Variants in HSD17B2 observed in about 807,000 individuals in gnomAD.
HSD17B2 encodes hydroxysteroid 17-beta dehydrogenase 2.
HSD17B2 carries 32 observed loss-of-function variants against 26.9 expected under a neutral mutation model. That is an observed-to-expected ratio of 1.19 (90% CI 0.90 to 1.60). The LOEUF (loss-of-function observed/expected upper bound fraction) is 1.60. HSD17B2 is among the 40% of genes most tolerant of loss of function. The probability of loss-of-function intolerance (pLI) is 0.00; values close to 1 mark genes in which losing one functional copy is unlikely to be tolerated. For missense variants in HSD17B2, 613 were observed against 468.6 expected (o/e 1.31, Z -2.85); for synonymous variants, 246 against 186.7 (o/e 1.32, Z -2.59).
At chr16:82,090,822 G>A (rs1904670137) in intron 3 of HSD17B2, 80 bp from the exon 4 acceptor site, 1 of 1,356,856 alleles carries the variant, frequency 7.4e-7, no homozygotes, top group Non-Finnish European at 1.0e-6. Flanking sequence ...CCTACATACA[G>A]TAGACACTGA....
intron 1 of HSD17B2, among the ~76,000 whole-genome samples, chr16:82,037,175 G>T (rs912184476): frequency 3.3e-5 from 5 of 152,332 alleles, no homozygotes; most frequent in Admixed American, 6.5e-5. Flanking sequence ...ATCCCTGCAT[G>T]AAATGCTTAT....
intron 3 of HSD17B2, among the ~76,000 whole-genome samples, chr16:82,088,496 T>C (rs897745524): frequency 2.6e-5 from 4 of 152,206 alleles, no homozygotes; most frequent in African/African-American, 9.6e-5. Flanking sequence ...AGGATTTGAA[T>C]GCAGTCAGTG....
chr16:82,091,116 C>T (rs1257692833), intron 4 of HSD17B2, 77 bp downstream of exon 4: 2 of 1,332,552 alleles, frequency 1.5e-6, no homozygotes, highest in East Asian at 2.3e-5. Flanking sequence ...TGACAGAGCA[C>T]ACATTGAACC....
rs898505515 is a variant in HSD17B2, at chr16:82,035,807, C to T, written c.265+118C>T. On this transcript the variant is annotated intron_variant, in intron 1 of 4. Coordinates refer to ENST00000199936, the MANE Select transcript of HSD17B2 (RefSeq NM_002153.3). The stretch of plus-strand genomic sequence containing the variant: ...ATACTTGGCATGGAGTAAATGAAAG[C>T]CCTCACCCAAGTATTTTTCATGACA... 3.7e-6 allele frequency: 4 copies of T among 1,075,530 alleles called. No homozygotes were observed. In the African/African-American group the frequency reaches 4.7e-5, roughly 13 times the overall value. The allele number at this position is 1,075,530 out of a possible 1,614,324, so 66.6% of individuals were successfully genotyped here.
At chr16:82,082,507 G>C (rs769772902) in intron 3 of HSD17B2, among the ~76,000 whole-genome samples, 1 of 152,078 alleles carries the variant, frequency 6.6e-6, no homozygotes, top group East Asian at 1.9e-4. Flanking sequence ...ATGCTTCTCT[G>C]AATATTTTTT....
chr16:82,084,399 G>T (rs1904464273), intron 3 of HSD17B2, among the ~76,000 whole-genome samples: 1 of 152,012 alleles, frequency 6.6e-6, no homozygotes, highest in African/African-American at 2.4e-5. Context: ...ACCCCCAGTT[G>T]AAAACCTCTG....
intron 1 of HSD17B2, among the ~76,000 whole-genome samples, chr16:82,037,570 G>A (rs188920741): frequency 2.7e-4 from 41 of 152,096 alleles, no homozygotes; most frequent in Admixed American, 9.2e-4. Flanking sequence ...AATTTATTTT[G>A]AAGACATAAT....
intron 1 of HSD17B2, among the ~76,000 whole-genome samples, chr16:82,038,301 A>G (rs2143908530): frequency 6.6e-6 from 1 of 152,358 alleles, no homozygotes; most frequent in East Asian, 1.9e-4. Context: ...GAAACCACAG[A>G]GGCCATTCAA....
chr16:82,035,392 C>T lies in HSD17B2; in HGVS notation c.-33C>T. The T allele has an allele frequency of 6.3e-7, 1 of 1,593,842 alleles. No homozygotes were observed. On this transcript the variant is annotated 5_prime_UTR_variant, in exon 1 of 5. Coordinates refer to ENST00000199936, the MANE Select transcript of HSD17B2 (RefSeq NM_002153.3). Reference sequence around the variant, plus strand: ...CCTTTGCCCGCTAGACTCACTGGCCCTGAGCACTTGAAGGTGCAGCAAGTC... The same window carrying T: ...CCTTTGCCCGCTAGACTCACTGGCCTTGAGCACTTGAAGGTGCAGCAAGTC...
chr16:82,098,072 C>A lies in HSD17B2; in HGVS notation c.803-3C>A, dbSNP rs923139217. 1.7e-5 allele frequency: 27 copies of A among 1,606,126 alleles called. No individual in the cohort carries two copies. The highest frequency in any genetic ancestry group is 2.3e-5 in the Non-Finnish European group (27 of 1,175,440). On this transcript the variant is annotated splice_region_variant and splice_polypyrimidine_tract_variant and intron_variant, in intron 4 of 4. Coordinates refer to ENST00000199936, the MANE Select transcript of HSD17B2 (RefSeq NM_002153.3). ...CTGACTCTTCCCTTTCCTTTCACCCCAGATATCGCAGGCACCAGTGACAAG... is the reference window on the plus strand; with the variant it reads ...CTGACTCTTCCCTTTCCTTTCACCCAAGATATCGCAGGCACCAGTGACAAG...
intron 3 of HSD17B2, among the ~76,000 whole-genome samples, chr16:82,075,960 G>A (rs575305026): frequency 4.8e-5 from 7 of 147,014 alleles, no homozygotes; most frequent in Non-Finnish European, 9.0e-5. Context: ...CCTCATGAAC[G>A]TTGATGTAAA....
At chr16:82,071,305 C>A (rs571368802) in intron 3 of HSD17B2, 178 bp downstream of exon 3, 2 of 678,726 alleles carry the variant, frequency 2.9e-6, no homozygotes, top group Non-Finnish European at 5.3e-6. Flanking sequence ...CTTTCAAATT[C>A]TTTCATGTAG....
At chr16:82,071,445 G>C (rs1370151175) in intron 3 of HSD17B2, 3 of 414,690 alleles carry the variant, frequency 7.2e-6, no homozygotes, top group African/African-American at 2.0e-5. Context: ...TACAAATAAT[G>C]TCAGCATTTC....
intron 1 of HSD17B2, among the ~76,000 whole-genome samples, chr16:82,061,344 T>C (rs543846986): frequency 5.9e-5 from 9 of 152,268 alleles, no homozygotes; most frequent in Middle Eastern, 3.4e-3. Flanking sequence ...CTTTAATATA[T>C]CAAATTATTT....
chr16:82,079,599 G>T (rs998204998), intron 3 of HSD17B2, among the ~76,000 whole-genome samples: 1 of 152,176 alleles, frequency 6.6e-6, no homozygotes, highest in Non-Finnish European at 1.5e-5. Flanking sequence ...ACTTTTCTGG[G>T]TGGTGGGGGG....
chr16:82,039,506 G>C (rs1381284532), intron 1 of HSD17B2, among the ~76,000 whole-genome samples: 1 of 152,182 alleles, frequency 6.6e-6, no homozygotes, highest in Non-Finnish European at 1.5e-5. Context: ...TATTCATTGA[G>C]GGCCCAGTAT....
intron 3 of HSD17B2, among the ~76,000 whole-genome samples, chr16:82,072,681 G>C (rs1419514546): frequency 6.6e-6 from 1 of 152,170 alleles, no homozygotes; most frequent in Non-Finnish European, 1.5e-5. Flanking sequence ...TGCACCAGCA[G>C]CTCAGTTAAT....
Position 82,071,356 on chromosome 16 carries a change from G to A in HSD17B2, c.664+229G>A. ...TTCTAACTCATCCATTTGTTACTGG[G>A]GATTTAGGGTTCTTATATGTCTTTA... On this transcript the variant is annotated intron_variant, in intron 3 of 4. Transcript: ENST00000199936. The A allele has an allele frequency of 1.0e-5, 6 of 584,686 alleles. No individual in the cohort carries two copies. The South Asian group carries it at 1.2e-4, about 12-fold the overall frequency. 36.2% of individuals were successfully genotyped at this position (584,686 alleles called of 1,614,324 possible).
chr16:82,062,651 A>T (rs969365367), intron 1 of HSD17B2, among the ~76,000 whole-genome samples: 4 of 152,346 alleles, frequency 2.6e-5, no homozygotes, highest in Admixed American at 1.3e-4. Context: ...TGGTAACATT[A>T]CTTACCCCCC....
Sources: gnomAD v4.1 joint callset for allele counts (sites outside exome capture counted in the v4.1 genomes callset) on GRCh38, gnomAD v4.1.1 for gene constraint, MANE v1.5 for transcripts, NCBI Gene and HGNC (gene_info 2026-07-23, HGNC 2026-07-21) for gene names.